RRBP1: variants seen among roughly 807,000 people sequenced by gnomAD.
RRBP1 encodes ribosome binding protein 1.
In RRBP1, 94 loss-of-function variants were observed where a neutral mutation model predicts 165.2. The observed-to-expected ratio is 0.57, with a 90% CI of 0.48 to 0.68. The LOEUF (loss-of-function observed/expected upper bound fraction) is 0.68. Ranked by LOEUF, RRBP1 falls within the 30% of genes least tolerant of loss-of-function variation. The pLI is 0.00. For synonymous variants in RRBP1, 680 were observed against 714.5 expected (o/e 0.95, Z 0.77); for missense variants, 1,676 against 1,763.0 (o/e 0.95, Z 0.88).
In RRBP1 at chr20:17,627,374, C is replaced by G; in HGVS notation, c.2937G>C (p.Gln979His). 3 of 1,614,014 alleles carry G rather than the reference C, an allele frequency of 1.9e-6. No homozygotes were observed. Among genetic ancestry groups the G allele is most frequent in the Non-Finnish European group, 2.5e-6 (3 of 1,179,970 alleles). ...GAGTCTGCTGCTGGTCAGCCTCCGC[C>G]TGGCTGGCCTGGAATGAGAGACAAA... ...ARDAQDVQASQAEADQQQTRL... is the reference protein window; with the variant it reads ...ARDAQDVQASHAEADQQQTRL... Residue 979 changes from glutamine to histidine, a missense_variant, in exon 11 of 25, where the codon CAG becomes CAC. Transcript: ENST00000377813.
intron 5 of RRBP1, among the ~76,000 whole-genome samples, chr20:17,640,740 C>T (rs573950728): frequency 3.0e-4 from 46 of 152,330 alleles, no homozygotes; most frequent in Admixed American, 1.4e-3. Context: ...CATCGAAGAG[C>T]GGCCATCTAA....
intron 5 of RRBP1, among the ~76,000 whole-genome samples, chr20:17,638,844 TA>T (rs1293035356): frequency 6.6e-6 from 1 of 152,076 alleles, no homozygotes; most frequent in Non-Finnish European, 1.5e-5. Flanking sequence ...CCTCATGGTG[TA>T]AGCTTTGAGG....
rs768242812 is a variant in RRBP1 at position 17,614,163 on chromosome 20, CT to C, written c.*18del. 4.3e-6 allele frequency: 7 copies of C among 1,613,558 alleles called. No homozygotes were observed. In the African/African-American group the frequency reaches 9.3e-5, roughly 21 times the overall value. On this transcript the variant is annotated 3_prime_UTR_variant, in exon 25 of 25. Coordinates refer to ENST00000377813, the MANE Select transcript of RRBP1 (RefSeq NM_001365613.2). The stretch of plus-strand genomic sequence containing the variant: ...ATTTTGGTAAGTTGAACAGTAACTT[CT>C]TTTTCCAAAGAGGAAACTCAGACAG...
At chr20:17,624,501 T>C in intron 13 of RRBP1, 75 bp downstream of exon 13, 2 of 966,040 alleles carry the variant, frequency 2.1e-6, no homozygotes, top group South Asian at 1.4e-5. Context: ...TCCTAGTGCA[T>C]CTGTACGTCT....
intron 2 of RRBP1, among the ~76,000 whole-genome samples, chr20:17,665,694 G>C (rs753686331): frequency 2.0e-5 from 3 of 152,192 alleles, no homozygotes; most frequent in Non-Finnish European, 4.4e-5. Flanking sequence ...CAAAATTGTA[G>C]TGTGACATGT....
At chr20:17,633,403 C>A in intron 8 of RRBP1, 57 bp downstream of exon 8, 1 of 1,573,938 alleles carries the variant, frequency 6.4e-7, no homozygotes, top group South Asian at 1.2e-5. Flanking sequence ...CCCCGCTATG[C>A]AGACAGGCTT....
rs556410621 is a variant in RRBP1 at position 17,616,414 on chromosome 20, G to A, written c.3867+318C>T. Among the ~76,000 whole-genome samples the A allele has an allele frequency of 2.0e-5, 3 of 152,296 alleles. No homozygotes were observed. In the South Asian group the frequency reaches 6.2e-4, roughly 32 times the overall value. ...GATGTCCCAGCCGGGGTTGCAGTGG[G>A]AGACAGTCCCCTTCGATGGCTGCAG... On this transcript the variant is annotated intron_variant, in intron 21 of 24. Transcript: ENST00000377813.
intron 2 of RRBP1, among the ~76,000 whole-genome samples, chr20:17,674,861 C>T (rs901957140): frequency 8.5e-5 from 13 of 152,224 alleles, no homozygotes; most frequent in Non-Finnish European, 4.4e-5. Context: ...ACACCCAAAA[C>T]AAATGTTCTG....
At chr20:17,633,845 T>G (rs2036199635) in intron 7 of RRBP1, among the ~76,000 whole-genome samples, 1 of 152,252 alleles carries the variant, frequency 6.6e-6, no homozygotes, top group African/African-American at 2.4e-5. Flanking sequence ...AGAGCAAATG[T>G]GCACTAAAGC....
chr20:17,648,783 C>G (rs1195864531), intron 3 of RRBP1, among the ~76,000 whole-genome samples: 2 of 152,140 alleles, frequency 1.3e-5, no homozygotes, highest in Non-Finnish European at 2.9e-5. Flanking sequence ...AAAAAAAACC[C>G]ACATCACAAT....
chr20:17,660,914 G>A lies in RRBP1; in HGVS notation c.-21-386C>T, dbSNP rs144895899. 1.3e-3 allele frequency among the ~76,000 whole-genome samples: 205 copies of A among 152,320 alleles called. 2 individuals carry two copies. The highest frequency in any genetic ancestry group is 4.3e-3 in the African/African-American group (178 of 41,566). On this transcript the variant is annotated intron_variant, in intron 2 of 24. Transcript: ENST00000377813. ...GAGACCATGGGGAGTGGTGGAGACT[G>A]TAGTAAAAACACCCGCCCCCACCTA...
chr20:17,662,370 G>A (rs1600773719), intron 2 of RRBP1, among the ~76,000 whole-genome samples: 1 of 152,048 alleles, frequency 6.6e-6, no homozygotes, highest in East Asian at 1.9e-4. Flanking sequence ...CACTCATGAC[G>A]AAGAAACTTC....
rs528865845 is a variant in RRBP1 at position 17,640,580 on chromosome 20, G to A, written c.2184+1217C>T. Among the ~76,000 whole-genome samples, 168 of 152,260 alleles carry A rather than the reference G, an allele frequency of 1.1e-3. 2 individuals are homozygous for A. Among genetic ancestry groups the A allele is most frequent in the Non-Finnish European group, 1.7e-3 (117 of 68,028 alleles). ...CCGGCTTAGGGAGCAGAGTGTGGGT[G>A]GAAGGGAGGCCACGCACCGTTAACC... On this transcript the variant is annotated intron_variant, in intron 5 of 24. Transcript: ENST00000377813.
chr20:17,668,615 C>G (rs1031104902), intron 2 of RRBP1, among the ~76,000 whole-genome samples: 6 of 152,224 alleles, frequency 3.9e-5, no homozygotes, highest in African/African-American at 1.4e-4. Context: ...TCTTACCTGT[C>G]ATCTCCCCTT....
In RRBP1 at chr20:17,660,385, G is replaced by A; in HGVS notation, c.123C>T (p.Ala41=). The part of the protein sequence containing the change: ...FSMKETSYEE[A]LANQRKEMAK... Reference sequence around the variant, plus strand: ...CCATCTCCTTGCGCTGGTTGGCTAGGGCTTCTTCATATGACGTTTCCTTCA... The same window carrying A: ...CCATCTCCTTGCGCTGGTTGGCTAGAGCTTCTTCATATGACGTTTCCTTCA... The change falls in exon 3 of 25, where the codon GCC becomes GCT. Residue 41 remains alanine (A), a synonymous_variant. Coordinates refer to ENST00000377813, the MANE Select transcript of RRBP1 (RefSeq NM_001365613.2). The A allele has an allele frequency of 6.2e-7, 1 of 1,614,062 alleles. No individual in the cohort carries two copies. The highest frequency in any genetic ancestry group is 8.5e-7 in the Non-Finnish European group (1 of 1,180,030).
intron 24 of RRBP1, 140 bp downstream of exon 24, chr20:17,614,597 G>T: frequency 9.2e-7 from 1 of 1,081,582 alleles, no homozygotes; most frequent in Non-Finnish European, 1.3e-6. Flanking sequence ...CCTCCGCCCA[G>T]CTCTGCCTCC....
intron 19 of RRBP1, 38 bp from the exon 20 acceptor site, chr20:17,618,717 G>C: frequency 6.6e-7 from 1 of 1,505,834 alleles, no homozygotes; most frequent in Non-Finnish European, 9.2e-7. Context: ...GGGAAAAAAG[G>C]AGAGAAAAGG....
intron 22 of RRBP1, 50 bp from the exon 23 acceptor site, chr20:17,615,579 G>C: frequency 6.8e-7 from 1 of 1,477,680 alleles, no homozygotes; most frequent in Non-Finnish European, 9.2e-7. Context: ...ATAAACGGCT[G>C]TGCTGTCAAG....
Position 17,633,531 on chromosome 20 carries a change from G to A in RRBP1, c.2539C>T (p.Gln847Ter), listed in dbSNP as rs111894600. The change falls in exon 8 of 25, where the codon CAA becomes TAA. Residue 847 changes from glutamine (Q) to a stop codon, truncating the protein, a stop_gained. Coordinates refer to ENST00000377813, the MANE Select transcript of RRBP1 (RefSeq NM_001365613.2). LOFTEE classifies it high-confidence loss of function. Reference protein sequence around the residue: ...ELVEKSEAVRQDEQQRKALEA... With the variant: ...ELVEKSEAVR Reference sequence around the variant, plus strand: ...AGAGCTTTCCGCTGCTGCTCATCTTGCCGCACAGCCTCTGACTTCTCCACC... The same window carrying A: ...AGAGCTTTCCGCTGCTGCTCATCTTACCGCACAGCCTCTGACTTCTCCACC... 2.5e-6 allele frequency: 4 copies of A among 1,614,064 alleles called. No individual in the cohort carries two copies. Among genetic ancestry groups the A allele is most frequent in the Non-Finnish European group, 3.4e-6 (4 of 1,180,044 alleles).
Sources: allele counts gnomAD v4.1 joint callset (sites outside exome capture counted in the v4.1 genomes callset), GRCh38; gene constraint gnomAD v4.1.1; transcripts MANE v1.5; gene names NCBI Gene and HGNC (gene_info 2026-07-23, HGNC 2026-07-21).